Variants in PTPDC1 observed in about 807,000 individuals in gnomAD.
The protein encoded by PTPDC1 is protein tyrosine phosphatase domain-containing protein 1.
PTPDC1 carries 53 observed loss-of-function variants against 75.3 expected under a neutral mutation model. The observed-to-expected ratio is 0.70, with a 90% CI of 0.56 to 0.88. PTPDC1 has a LOEUF of 0.88. PTPDC1 is among the 40% of genes least tolerant of loss of function. The probability of loss-of-function intolerance (pLI) is 0.00; values close to 1 mark genes in which losing one functional copy is unlikely to be tolerated. For synonymous variants in PTPDC1, 349 were observed against 366.2 expected (o/e 0.95, Z 0.54); for missense variants, 925 against 998.6 (o/e 0.93, Z 0.99).
intron 2 of PTPDC1, among the ~76,000 whole-genome samples, chr9:94,076,620 CT>C (rs749993150): frequency 6.6e-6 from 1 of 152,100 alleles, no homozygotes; most frequent in South Asian, 2.1e-4. Context: ...ACTCTTTTCA[CT>C]TTTTGGCTAT....
chr9:94,047,701 A>G lies in PTPDC1; in HGVS notation c.-7+16574A>G, dbSNP rs533552105. ...CTAATAAAGAAGAAAAGAGAGAAGA[A>G]TCAAATAGACGCAATAAAAAATGAT... On this transcript the variant is annotated intron_variant, in intron 1 of 9. Transcript: ENST00000375360. Among the ~76,000 whole-genome samples the G allele has an allele frequency of 5.3e-5, 8 of 152,292 alleles. No homozygotes were observed. The East Asian group carries it at 1.5e-3, about 29-fold the overall frequency.
At chr9:94,052,460 C>G (rs1229563525) in intron 1 of PTPDC1, among the ~76,000 whole-genome samples, 1 of 152,014 alleles carries the variant, frequency 6.6e-6, no homozygotes, top group Non-Finnish European at 1.5e-5. Flanking sequence ...TAAATTAGAT[C>G]AAAACTTAGT....
chr9:94,107,755 C>T, intron 8 of PTPDC1, 73 bp from the exon 9 acceptor site: 2 of 735,796 alleles, frequency 2.7e-6, no homozygotes, highest in Non-Finnish European at 4.3e-6. Context: ...TCTCCACCCC[C>T]TCCTTCTCTC....
intron 1 of PTPDC1, among the ~76,000 whole-genome samples, chr9:94,044,289 A>C (rs762359612): frequency 6.6e-6 from 1 of 152,190 alleles, no homozygotes; most frequent in Non-Finnish European, 1.5e-5. Flanking sequence ...AGAACACAAA[A>C]TATTTCTTCA....
At chr9:94,091,132 G>A (rs1043896916) in intron 4 of PTPDC1, among the ~76,000 whole-genome samples, 19 of 151,318 alleles carry the variant, frequency 1.3e-4, no homozygotes, top group African/African-American at 4.4e-4. Context: ...AATAGGAGTG[G>A]TGAGAGAGGG....
chr9:94,069,522 C>CT (rs564996961), intron 2 of PTPDC1, among the ~76,000 whole-genome samples: 3,345 of 135,696 alleles, frequency 0.025, 102 homozygotes, highest in African/African-American at 0.074. Context: ...ACTTCCAATT[C>CT]TTTTTTTTTT....
In PTPDC1 at chr9:94,097,315, G is replaced by A. The variant is rs910644235; in HGVS notation, c.755-6G>A. The A allele has an allele frequency of 4.4e-6, 7 of 1,575,602 alleles. No individual in the cohort carries two copies. The highest frequency in any genetic ancestry group is 1.4e-5 in the African/African-American group (1 of 73,966). ...TCATACCAGTCTTCTCTTCTTCACT[G>A]TTTAGGTGTTTTAATAGCCTGTTAC... is the stretch of plus-strand genomic sequence containing the variant. On this transcript the variant is annotated splice_polypyrimidine_tract_variant and splice_region_variant and intron_variant, in intron 5 of 8. Coordinates refer to ENST00000620992, the MANE Select transcript of PTPDC1 (RefSeq NM_001253829.2).
intron 1 of PTPDC1, among the ~76,000 whole-genome samples, chr9:94,048,286 A>G (rs1420119196): frequency 6.6e-6 from 1 of 151,972 alleles, no homozygotes; most frequent in Non-Finnish European, 1.5e-5. Flanking sequence ...AGTTCTTTTA[A>G]TTGTGATGTT....
chr9:94,107,514 A>G (rs1217438727), intron 8 of PTPDC1, among the ~76,000 whole-genome samples: 2 of 152,178 alleles, frequency 1.3e-5, no homozygotes, highest in African/African-American at 4.8e-5. Context: ...CTTTTCTCTT[A>G]TACCATCAAT....
intron 1 of PTPDC1, among the ~76,000 whole-genome samples, chr9:94,048,994 T>C (rs886715432): frequency 5.3e-5 from 8 of 152,146 alleles, no homozygotes; most frequent in African/African-American, 1.9e-4. Flanking sequence ...TTTGTTGGTT[T>C]AAAGTCTGTT....
At chr9:94,055,634 T>C (rs1236343584) in intron 1 of PTPDC1, among the ~76,000 whole-genome samples, 1 of 152,158 alleles carries the variant, frequency 6.6e-6, no homozygotes, top group African/African-American at 2.4e-5. Context: ...CCTGTGACAT[T>C]CTGGAAAAGA....
intron 1 of PTPDC1, among the ~76,000 whole-genome samples, chr9:94,044,359 T>C (rs1825521970): frequency 6.6e-6 from 1 of 152,208 alleles, no homozygotes; most frequent in African/African-American, 2.4e-5. Context: ...GTTTTTTACA[T>C]AGGTAAATGT....
intron 2 of PTPDC1, among the ~76,000 whole-genome samples, chr9:94,066,578 G>A (rs969862968): frequency 1.3e-5 from 2 of 151,770 alleles, no homozygotes; most frequent in African/African-American, 4.8e-5. Context: ...TATTTTTTGA[G>A]ATGGCGTCTC....
intron 1 of PTPDC1, among the ~76,000 whole-genome samples, chr9:94,057,503 G>T (rs1024184150): frequency 6.6e-6 from 1 of 152,072 alleles, no homozygotes; most frequent in Non-Finnish European, 1.5e-5. Flanking sequence ...AAGATATTGC[G>T]GATACTGGTT....
chr9:94,035,778 A>G (rs1205328014), intron 1 of PTPDC1, among the ~76,000 whole-genome samples: 1 of 152,156 alleles, frequency 6.6e-6, no homozygotes, highest in Admixed American at 6.5e-5. Context: ...GGCTATACCA[A>G]TTTACATACC....
At chr9:94,055,759 C>CA (rs951586356) in intron 1 of PTPDC1, among the ~76,000 whole-genome samples, 3 of 151,978 alleles carry the variant, frequency 2.0e-5, no homozygotes, top group African/African-American at 7.2e-5. Context: ...TATAAAAAAA[C>CA]AAAAAATCAG....
At position 94,098,482 on chromosome 9, in the gene PTPDC1, G is replaced by A; in HGVS notation, c.1916G>A (p.Ser639Asn). ...ASHSALQSELSAEARRILAAK... is the reference protein window; with the variant it reads ...ASHSALQSELNAEARRILAAK... The stretch of plus-strand genomic sequence containing the variant: ...CACTCTGCATTACAGTCTGAATTGA[G>A]TGCTGAGGCAAGAAGAATACTGGCG... The change falls in exon 6 of 9, where the codon AGT (serine) becomes AAT (asparagine). Residue 639 changes from serine (S) to asparagine (N), a missense_variant. Transcript: ENST00000620992. 1 of 1,614,186 alleles carries A rather than the reference G, an allele frequency of 6.2e-7. No individual in the cohort carries two copies. Among genetic ancestry groups the A allele is most frequent in the Non-Finnish European group, 8.5e-7 (1 of 1,180,018 alleles).
chr9:94,038,331 G>A, intron 1 of PTPDC1: 1 of 626,444 alleles, frequency 1.6e-6, no homozygotes, highest in South Asian at 1.7e-5. Context: ...CTCAAAAAAA[G>A]CTACTAGTGA....
At chr9:94,064,322 C>T (rs1346321223) in intron 1 of PTPDC1, among the ~76,000 whole-genome samples, 1 of 152,136 alleles carries the variant, frequency 6.6e-6, no homozygotes, top group Non-Finnish European at 1.5e-5. Context: ...ATAGCTACTT[C>T]GTAGAGTTCT....
Sources: gnomAD v4.1 joint callset for allele counts (sites outside exome capture counted in the v4.1 genomes callset) on GRCh38, gnomAD v4.1.1 for gene constraint, MANE v1.5 for transcripts, NCBI Gene and HGNC (gene_info 2026-07-23, HGNC 2026-07-21) for gene names.